Variants in HVCN1 observed in about 807,000 individuals in gnomAD.
HVCN1 encodes the protein voltage-gated hydrogen channel 1.
HVCN1 carries 14 observed loss-of-function variants against 29.2 expected under a neutral mutation model. The ratio of observed to expected loss-of-function variants is 0.48; its 90% CI spans 0.32 to 0.75. The LOEUF (loss-of-function observed/expected upper bound fraction) is 0.75. Among genes scored for constraint, HVCN1 ranks in the 30% least tolerant of loss-of-function variants. The pLI, the probability that HVCN1 is intolerant of heterozygous loss-of-function variation, is 0.04. For missense variants in HVCN1, 263 were observed against 341.8 expected (o/e 0.77, Z 1.82); for synonymous variants, 131 against 133.2 (o/e 0.98, Z 0.11).
intron 3 of HVCN1, among the ~76,000 whole-genome samples, chr12:110,678,098 G>C (rs2068807137): frequency 6.6e-6 from 1 of 152,254 alleles, no homozygotes; most frequent in East Asian, 1.9e-4. Flanking sequence ...GGCGGGGACT[G>C]CAATGTCTCT....
At chr12:110,670,513 T>C (rs1217644455) in intron 3 of HVCN1, among the ~76,000 whole-genome samples, 1 of 152,186 alleles carries the variant, frequency 6.6e-6, no homozygotes, top group East Asian at 1.9e-4. Context: ...CTAACTTCCT[T>C]CCATGCACTA....
intron 3 of HVCN1, among the ~76,000 whole-genome samples, chr12:110,663,536 G>T (rs1196407371): frequency 7.0e-6 from 1 of 143,790 alleles, no homozygotes; most frequent in Non-Finnish European, 1.5e-5. Flanking sequence ...GGAGGTCGAG[G>T]CTGCAGTAAG....
chr12:110,686,314 A>C (rs969293099), intron 2 of HVCN1, among the ~76,000 whole-genome samples: 10 of 152,296 alleles, frequency 6.6e-5, no homozygotes, highest in African/African-American at 2.4e-4. Context: ...TAATTCTAAA[A>C]AATTATTTTG....
In HVCN1 at chr12:110,658,300, T is replaced by C; in HGVS notation, c.306+2864A>G. On this transcript the variant is annotated intron_variant, in intron 4 of 7. Transcript: ENST00000242607. The surrounding 1 kb of genome is among the most constrained non-coding windows in gnomAD (Gnocchi z 5.0). ...GAGCTTCCTGGATGCCGATCCTACC[T>C]GCAGAGACTACAACCCCTGAGCCTC... is the stretch of plus-strand genomic sequence containing the variant. Among the ~76,000 whole-genome samples, 1 of 152,122 alleles carries C rather than the reference T, an allele frequency of 6.6e-6. No homozygotes were observed. Among genetic ancestry groups the C allele is most frequent in the Non-Finnish European group, 1.5e-5 (1 of 68,006 alleles).
At chr12:110,678,439 C>CTTTTTTTTTTTT (rs538999674) in intron 3 of HVCN1, among the ~76,000 whole-genome samples, 4 of 65,808 alleles carry the variant, frequency 6.1e-5, no homozygotes, top group Non-Finnish European at 1.2e-4. Flanking sequence ...CATTCTATTT[C>CTTTTTTTTTTTT]TTTTTTTTTT....
intron 4 of HVCN1, among the ~76,000 whole-genome samples, chr12:110,657,499 A>C (rs2068027958): frequency 6.8e-6 from 1 of 147,734 alleles, no homozygotes; most frequent in Non-Finnish European, 1.5e-5. Context: ...CCATCTCAAA[A>C]AGAAAAAAGA....
chr12:110,651,020 C>T (rs576564579), intron 6 of HVCN1, among the ~76,000 whole-genome samples, 197 bp downstream of exon 6: 6 of 152,124 alleles, frequency 3.9e-5, no homozygotes, highest in African/African-American at 9.6e-5. Context: ...ATTTGCTTGA[C>T]GTAAACCTGC....
At chr12:110,681,785 G>A (rs1031779141) in intron 3 of HVCN1, among the ~76,000 whole-genome samples, 5 of 152,038 alleles carry the variant, frequency 3.3e-5, no homozygotes, top group African/African-American at 1.2e-4. Flanking sequence ...GCCTGGCTAG[G>A]CCCCCAGAAC....
chr12:110,697,880 G>T (rs1020072507), intron 2 of HVCN1, among the ~76,000 whole-genome samples: 1 of 152,100 alleles, frequency 6.6e-6, no homozygotes, highest in Non-Finnish European at 1.5e-5. Context: ...TCGAACTCCT[G>T]ACCTCGTGAT....
At chr12:110,681,669 T>A (rs940632227) in intron 3 of HVCN1, among the ~76,000 whole-genome samples, 1 of 152,170 alleles carries the variant, frequency 6.6e-6, no homozygotes, top group Non-Finnish European at 1.5e-5. Context: ...ACCATCATCA[T>A]CATCATCATC....
chr12:110,687,610 G>A (rs930950128), intron 2 of HVCN1, among the ~76,000 whole-genome samples: 3 of 152,104 alleles, frequency 2.0e-5, no homozygotes, highest in African/African-American at 4.8e-5. Context: ...GGGGTCCAGC[G>A]TGATGAGGCG....
At chr12:110,697,361 C>T (rs1262393594) in intron 2 of HVCN1, among the ~76,000 whole-genome samples, 1 of 151,880 alleles carries the variant, frequency 6.6e-6, no homozygotes, top group Admixed American at 6.6e-5. Flanking sequence ...AAAGAGTAGC[C>T]AAGAGGTAGA....
chr12:110,683,129 C>T (rs2069046092), intron 3 of HVCN1, 96 bp downstream of exon 3: 4 of 1,503,722 alleles, frequency 2.7e-6, no homozygotes, highest in Admixed American at 3.4e-5. Context: ...AACACCTGAA[C>T]AGGGAGTTCT....
intron 2 of HVCN1, among the ~76,000 whole-genome samples, chr12:110,695,607 A>C (rs1002005377): frequency 1.3e-5 from 2 of 152,216 alleles, no homozygotes; most frequent in Non-Finnish European, 2.9e-5. Context: ...GGTGGAGATA[A>C]CAAAAGGTGG....
upstream of HVCN1, among the ~76,000 whole-genome samples, chr12:110,693,740 A>G (rs1340514435): frequency 2.0e-5 from 3 of 152,190 alleles, 1 homozygote; most frequent in East Asian, 3.8e-4. Flanking sequence ...CCATCTATTT[A>G]TTACAAGTAA....
chr12:110,651,618 T>C (rs1354963048), intron 5 of HVCN1, among the ~76,000 whole-genome samples, 170 bp from the exon 6 acceptor site: 2 of 152,202 alleles, frequency 1.3e-5, no homozygotes, highest in Non-Finnish European at 2.9e-5. Context: ...ACCTGCTCTC[T>C]AAAGGGCAAT....
chr12:110,681,253 T>C (rs2068959345), intron 3 of HVCN1, among the ~76,000 whole-genome samples: 1 of 152,198 alleles, frequency 6.6e-6, no homozygotes, highest in Non-Finnish European at 1.5e-5. Context: ...GGTGCACGCA[T>C]AGTGTTGTCT....
chr12:110,697,417 C>T (rs1011720899), intron 2 of HVCN1, among the ~76,000 whole-genome samples: 2 of 151,732 alleles, frequency 1.3e-5, no homozygotes, highest in Non-Finnish European at 2.9e-5. Context: ...AAAAGAGGAG[C>T]GTTTTGAGGA....
upstream of HVCN1, chr12:110,689,155 C>T (rs1367342154): frequency 6.6e-6 from 1 of 151,568 alleles, no homozygotes; most frequent in Non-Finnish European, 1.5e-5. The surrounding 1 kb of genome is among the most constrained non-coding windows in gnomAD (Gnocchi z 5.7). Context: ...CGTCCCGCCC[C>T]GTACCGTACC....
Sources: gnomAD v4.1 joint callset for allele counts (sites outside exome capture counted in the v4.1 genomes callset) on GRCh38, gnomAD v4.1.1 for gene constraint, Gnocchi (gnomAD v3.1) non-coding constraint, MANE v1.5 for transcripts, NCBI Gene and HGNC (gene_info 2026-07-23, HGNC 2026-07-21) for gene names.